Variants in NRXN1 observed in about 807,000 individuals in gnomAD.
NRXN1 encodes the protein neurexin-1.
In NRXN1, 39 loss-of-function variants were observed where a neutral mutation model predicts 150.9. That is an observed-to-expected ratio of 0.26 (90% CI 0.20 to 0.34). NRXN1 has a LOEUF of 0.34. Among genes scored for constraint, NRXN1 ranks in the 10% least tolerant of loss-of-function variants. NRXN1 has a pLI of 1.00. For missense variants in NRXN1, 1,815 were observed against 1,949.9 expected, an observed-to-expected ratio of 0.93 and a Z score of 1.30; for synonymous variants, 924 against 757.0, an observed-to-expected ratio of 1.22 and a Z score of -3.62.
intron 5 of NRXN1, among the ~76,000 whole-genome samples, chr2:50,661,921 G>A (rs1687358678): frequency 1.3e-5 from 2 of 152,012 alleles, no homozygotes; most frequent in African/African-American, 4.8e-5. Flanking sequence ...CAGAGGCTGG[G>A]AAGGGAATTG....
chr2:50,388,042 C>G (rs2103771043), intron 17 of NRXN1, among the ~76,000 whole-genome samples: 1 of 152,226 alleles, frequency 6.6e-6, no homozygotes, highest in Admixed American at 6.5e-5. Context: ...ACAGCTTCAT[C>G]TTTTACTTGA....
intron 5 of NRXN1, chr2:50,920,060 A>G: frequency 2.9e-6 from 1 of 342,496 alleles, no homozygotes; most frequent in South Asian, 2.3e-5. Context: ...CATCTAATTA[A>G]ACAATATGAA....
At chr2:50,583,002 T>C (rs1385655681) in intron 8 of NRXN1, among the ~76,000 whole-genome samples, 1 of 152,042 alleles carries the variant, frequency 6.6e-6, no homozygotes, top group Non-Finnish European at 1.5e-5. Flanking sequence ...CTTTTCTCTC[T>C]GATCCCATTA....
At chr2:50,046,355 C>T in intron 21 of NRXN1, among the ~76,000 whole-genome samples, 1 of 152,152 alleles carries the variant, frequency 6.6e-6, no homozygotes, top group East Asian at 1.9e-4. Flanking sequence ...GAGAATTCAG[C>T]TTGGTACATG....
At chr2:50,091,615 T>A (rs1699588881) in intron 18 of NRXN1, 121 bp from the exon 19 acceptor site, 1 of 1,039,544 alleles carries the variant, frequency 9.6e-7, no homozygotes, top group Non-Finnish European at 1.4e-6. Context: ...CCTCCAATTT[T>A]ACTTCTGAAA....
chr2:50,438,489 G>A (rs2085647446), intron 17 of NRXN1, among the ~76,000 whole-genome samples: 1 of 152,192 alleles, frequency 6.6e-6, no homozygotes, highest in Non-Finnish European at 1.5e-5. Flanking sequence ...ACAGAAAATG[G>A]CAGGCTACTG....
intron 15 of NRXN1, among the ~76,000 whole-genome samples, chr2:50,485,060 G>A (rs1188269444): frequency 1.3e-5 from 2 of 152,288 alleles, no homozygotes; most frequent in South Asian, 4.1e-4. Context: ...CGTGACAAAT[G>A]AATAACTCAC....
chr2:50,108,849 C>T (rs1011821903), intron 18 of NRXN1, among the ~76,000 whole-genome samples: 6 of 152,018 alleles, frequency 3.9e-5, no homozygotes, highest in African/African-American at 1.4e-4. Context: ...ATAAAAATAA[C>T]AGTTTAAATT....
At chr2:50,836,914 T>A (rs1191786276) in intron 5 of NRXN1, among the ~76,000 whole-genome samples, 1 of 147,730 alleles carries the variant, frequency 6.8e-6, no homozygotes, top group African/African-American at 2.5e-5. Context: ...TTGTGTAAAT[T>A]AAAAAAAAAA....
chr2:50,474,264 A>G (rs1033663481), intron 15 of NRXN1, among the ~76,000 whole-genome samples: 5 of 151,930 alleles, frequency 3.3e-5, no homozygotes, highest in Non-Finnish European at 5.9e-5. Context: ...AAGATACAAA[A>G]TTAGCTTTCT....
chr2:50,299,595 C>G (rs1490269082), intron 17 of NRXN1, among the ~76,000 whole-genome samples: 1 of 152,072 alleles, frequency 6.6e-6, no homozygotes, highest in African/African-American at 2.4e-5. Context: ...GGAAATAAAT[C>G]ATATTAAGTA....
intron 21 of NRXN1, 118 bp downstream of exon 21, chr2:50,053,152 GA>G: frequency 1.0e-6 from 1 of 955,044 alleles, no homozygotes; most frequent in Non-Finnish European, 1.7e-6. Flanking sequence ...AGTTTCAAAG[GA>G]AGCTGTAGTG....
At chr2:50,837,158 T>C (rs1410124571) in intron 5 of NRXN1, among the ~76,000 whole-genome samples, 3 of 152,142 alleles carry the variant, frequency 2.0e-5, no homozygotes, top group Admixed American at 6.5e-5. Context: ...TTTTATGTAA[T>C]TGATGAATGA....
At chr2:50,452,778 T>C (rs1272926333) in intron 17 of NRXN1, among the ~76,000 whole-genome samples, 6 of 152,220 alleles carry the variant, frequency 3.9e-5, no homozygotes, top group African/African-American at 7.2e-5. Flanking sequence ...TAAATCTCTT[T>C]ACAGACAAGG....
intron 5 of NRXN1, among the ~76,000 whole-genome samples, chr2:50,697,228 C>T (rs191427373): frequency 5.3e-5 from 8 of 152,256 alleles, no homozygotes; most frequent in Admixed American, 3.9e-4. Flanking sequence ...AAATAAACTT[C>T]ATTAGTCTTC....
chr2:50,010,139 G>A (rs1482228322), intron 21 of NRXN1, among the ~76,000 whole-genome samples: 1 of 138,620 alleles, frequency 7.2e-6, no homozygotes, highest in Admixed American at 7.7e-5. Flanking sequence ...AAAACAAAAC[G>A]AACTCAAGTT....
At chr2:51,022,539 A>T (rs543166721) in intron 2 of NRXN1, among the ~76,000 whole-genome samples, 1 of 152,266 alleles carries the variant, frequency 6.6e-6, no homozygotes, top group South Asian at 2.1e-4. Context: ...TAATAAACAG[A>T]TGCCTTTCAC....
At chr2:50,662,320 A>G (rs1005527106) in intron 5 of NRXN1, among the ~76,000 whole-genome samples, 6 of 152,054 alleles carry the variant, frequency 3.9e-5, no homozygotes, top group Non-Finnish European at 8.8e-5. Context: ...ATCTTGCTCA[A>G]CACATACCCC....
intron 2 of NRXN1, among the ~76,000 whole-genome samples, chr2:51,014,385 A>C (rs1668351864): frequency 6.6e-6 from 1 of 152,054 alleles, no homozygotes; most frequent in Non-Finnish European, 1.5e-5. Context: ...TGCTAACCAT[A>C]TGGATTTTAT....
Sources: gnomAD v4.1 joint callset for allele counts (sites outside exome capture counted in the v4.1 genomes callset) on GRCh38, gnomAD v4.1.1 for gene constraint, MANE v1.5 for transcripts, NCBI Gene and HGNC (gene_info 2026-07-23, HGNC 2026-07-21) for gene names.